Variants in PDE10A observed in about 807,000 individuals in gnomAD.
The protein encoded by PDE10A is cAMP and cAMP-inhibited cGMP 3',5'-cyclic phosphodiesterase 10A.
A neutral mutation model predicts 97.7 loss-of-function variants in PDE10A; 39 were observed. The ratio of observed to expected loss-of-function variants is 0.40; its 90% CI spans 0.31 to 0.52. The LOEUF (loss-of-function observed/expected upper bound fraction) is 0.52. Among genes scored for constraint, PDE10A ranks in the 20% least tolerant of loss-of-function variants. The probability of loss-of-function intolerance (pLI) is 0.56; values close to 1 mark genes in which losing one functional copy is unlikely to be tolerated. For synonymous variants in PDE10A, 371 were observed against 376.8 expected, an observed-to-expected ratio of 0.98 and a Z score of 0.18; for missense variants, 731 against 1,047.8, an observed-to-expected ratio of 0.70 and a Z score of 4.17.
At chr6:165,402,278 T>A (rs1357091893) in intron 13 of PDE10A, among the ~76,000 whole-genome samples, 3 of 152,066 alleles carry the variant, frequency 2.0e-5, no homozygotes, top group Admixed American at 6.5e-5. Context: ...TAAATTAAAA[T>A]TTTTAGTCAT....
intron 1 of PDE10A, chr6:165,773,154 C>T (rs1427419027): frequency 1.3e-5 from 2 of 152,202 alleles, no homozygotes; most frequent in East Asian, 1.9e-4. Context: ...CGTATCTGGT[C>T]GCTTCCAACT....
chr6:165,924,265 A>G (rs1782855002), intron 1 of PDE10A, among the ~76,000 whole-genome samples: 1 of 151,784 alleles, frequency 6.6e-6, no homozygotes, highest in Admixed American at 6.6e-5. Flanking sequence ...TAGGCATACA[A>G]CTCATGGTTT....
At chr6:165,863,821 T>A (rs1470533472) in intron 1 of PDE10A, among the ~76,000 whole-genome samples, 1 of 152,186 alleles carries the variant, frequency 6.6e-6, no homozygotes, top group African/African-American at 2.4e-5. Context: ...CTTTTCTGAA[T>A]GTAACTGTTG....
chr6:165,933,009 G>T (rs1783189207), intron 1 of PDE10A, among the ~76,000 whole-genome samples: 1 of 152,182 alleles, frequency 6.6e-6, no homozygotes, highest in South Asian at 2.1e-4. Context: ...CTCTCCCCTG[G>T]GTTGATTCCT....
chr6:165,741,820 A>G (rs530928729), intron 1 of PDE10A, among the ~76,000 whole-genome samples: 2 of 152,354 alleles, frequency 1.3e-5, no homozygotes, highest in African/African-American at 4.8e-5. Context: ...TACTTTATGA[A>G]AAAAATCTGC....
At chr6:165,895,258 A>G (rs1781912689) in intron 1 of PDE10A, among the ~76,000 whole-genome samples, 1 of 152,232 alleles carries the variant, frequency 6.6e-6, no homozygotes, top group Non-Finnish European at 1.5e-5. Flanking sequence ...CCACTCTGAT[A>G]CATCTGGTAC....
In PDE10A at chr6:165,711,868, G is replaced by A. The variant is rs1490191346; in HGVS notation, c.-614-168300C>T. 6.6e-6 allele frequency among the ~76,000 whole-genome samples: 1 copy of A among 152,192 alleles called. No homozygotes were observed. The highest frequency in any genetic ancestry group is 1.5e-5 in the Non-Finnish European group (1 of 68,040). On this transcript the variant is annotated intron_variant, in intron 1 of 19. Transcript: ENST00000366882. The surrounding 1 kb of genome is among the most constrained non-coding windows in gnomAD (Gnocchi z 4.5). ...AACAGCGGGATGTAGGAGTGTGTTG[G>A]TTGGTTTTATTCTGCATCCTAGGGG... is the stretch of plus-strand genomic sequence containing the variant.
intron 3 of PDE10A, among the ~76,000 whole-genome samples, chr6:165,481,632 TAA>T (rs892104912): frequency 2.6e-5 from 4 of 152,200 alleles, no homozygotes; most frequent in African/African-American, 4.8e-5. Flanking sequence ...CAGAAAAAAC[TAA>T]GACACTTTTT....
intron 1 of PDE10A, among the ~76,000 whole-genome samples, chr6:165,951,486 C>T (rs149742275): frequency 1.7e-3 from 264 of 152,188 alleles, no homozygotes; most frequent in Middle Eastern, 0.01. Flanking sequence ...TGGTTGATTT[C>T]CCTACCAACC....
At chr6:165,896,618 G>A (rs1395078295) in intron 1 of PDE10A, among the ~76,000 whole-genome samples, 3 of 147,460 alleles carry the variant, frequency 2.0e-5, no homozygotes, top group East Asian at 2.0e-4. Flanking sequence ...TCCGCCTCCC[G>A]GGTACACGCC....
chr6:165,958,774 A>AAGCC (rs1190183488), intron 1 of PDE10A, among the ~76,000 whole-genome samples: 9 of 148,042 alleles, frequency 6.1e-5, no homozygotes, highest in South Asian at 4.4e-4. Flanking sequence ...AGAAGAAAGC[A>AAGCC]AGCCAGCCAT....
intron 3 of PDE10A, among the ~76,000 whole-genome samples, chr6:165,476,166 G>T (rs1306447954): frequency 7.2e-6 from 1 of 139,096 alleles, no homozygotes; most frequent in Non-Finnish European, 1.6e-5. Context: ...ACAAAAAGAA[G>T]AAAAAAAAAA....
intron 1 of PDE10A, among the ~76,000 whole-genome samples, chr6:165,603,773 T>G (rs1328702237): frequency 6.6e-6 from 1 of 152,252 alleles, no homozygotes; most frequent in African/African-American, 2.4e-5. Flanking sequence ...ACGTATGTGT[T>G]ATTTCTGAAG....
chr6:165,432,105 G>C (rs1432689262), intron 7 of PDE10A, among the ~76,000 whole-genome samples: 1 of 152,180 alleles, frequency 6.6e-6, no homozygotes, highest in Non-Finnish European at 1.5e-5. Context: ...AGGTGCTGGA[G>C]ATACTGTAGT....
intron 1 of PDE10A, among the ~76,000 whole-genome samples, chr6:165,968,095 G>A (rs550173668): frequency 1.3e-5 from 2 of 152,330 alleles, no homozygotes; most frequent in South Asian, 4.1e-4. Context: ...GGCACAGAAA[G>A]GTTGGTATTA....
intron 1 of PDE10A, among the ~76,000 whole-genome samples, chr6:165,875,211 C>T (rs1219011487): frequency 6.6e-6 from 1 of 152,146 alleles, no homozygotes; most frequent in Non-Finnish European, 1.5e-5. Flanking sequence ...ATGTGCTTTT[C>T]CTACCAGGAG....
At chr6:165,557,350 A>G (rs1784307776) in intron 1 of PDE10A, among the ~76,000 whole-genome samples, 2 of 152,156 alleles carry the variant, frequency 1.3e-5, no homozygotes, top group African/African-American at 4.8e-5. Context: ...AACCTTCATG[A>G]TCACAGTTTC....
rs1452086433 is a variant in PDE10A, at chr6:165,448,911, T to G, written c.1194+17A>C. 2 of 1,574,124 alleles carry G rather than the reference T, an allele frequency of 1.3e-6. No homozygotes were observed. Among genetic ancestry groups the G allele is most frequent in the Non-Finnish European group, 1.7e-6 (2 of 1,149,192 alleles). On this transcript the variant is annotated intron_variant, in intron 5 of 21. Coordinates refer to ENST00000539869, the MANE Select transcript of PDE10A (RefSeq NM_001385079.1). Reference sequence around the variant, plus strand: ...TTTTCTTATCTAGAGCACCAAAATCTAAATTTAGATACTTACATTATTGCA... The same window carrying G: ...TTTTCTTATCTAGAGCACCAAAATCGAAATTTAGATACTTACATTATTGCA...
At chr6:165,750,477 C>T (rs1792971894) in intron 1 of PDE10A, among the ~76,000 whole-genome samples, 1 of 152,142 alleles carries the variant, frequency 6.6e-6, no homozygotes, top group South Asian at 2.1e-4. Context: ...CCCAGGATCT[C>T]CCACCTGAGA....
Sources: allele counts gnomAD v4.1 joint callset (sites outside exome capture counted in the v4.1 genomes callset), GRCh38; gene constraint gnomAD v4.1.1; non-coding constraint Gnocchi (gnomAD v3.1); transcripts MANE v1.5; gene names NCBI Gene and HGNC (gene_info 2026-07-23, HGNC 2026-07-21).